The following SMC5 variants were observed in gnomAD, a reference collection of about 807,000 sequenced individuals.
The protein encoded by SMC5 is structural maintenance of chromosomes protein 5.
SMC5 carries 88 observed loss-of-function variants against 148.3 expected under a neutral mutation model. That is an observed-to-expected ratio of 0.59 (90% CI 0.50 to 0.71). The LOEUF (loss-of-function observed/expected upper bound fraction) is 0.71, where lower values mean the gene tolerates loss of function less well. SMC5 is among the 30% of genes least tolerant of loss of function. The pLI is 0.00. For missense variants in SMC5, 1,142 were observed against 1,298.9 expected (o/e 0.88, Z 1.86); for synonymous variants, 421 against 432.8 (o/e 0.97, Z 0.34).
At chr9:70,321,786 A>C (rs760507491) in intron 15 of SMC5, among the ~76,000 whole-genome samples, 31 of 152,190 alleles carry the variant, frequency 2.0e-4, no homozygotes, top group Non-Finnish European at 3.5e-4. Context: ...TTTTGTAGAA[A>C]CCAGAATATA....
intron 5 of SMC5, among the ~76,000 whole-genome samples, chr9:70,280,373 A>G (rs1400817828): frequency 1.3e-5 from 2 of 152,116 alleles, no homozygotes; most frequent in Non-Finnish European, 2.9e-5. Context: ...TAGTATTACT[A>G]TTTTTCATTT....
At chr9:70,345,804 A>G (rs779529005) in intron 18 of SMC5, among the ~76,000 whole-genome samples, 1 of 152,120 alleles carries the variant, frequency 6.6e-6, no homozygotes, top group Non-Finnish European at 1.5e-5. Context: ...TTTCTTCTAG[A>G]TGGAGGATAA....
At chr9:70,313,266 AG>A (rs1313547549) in intron 11 of SMC5, among the ~76,000 whole-genome samples, 15 of 152,146 alleles carry the variant, frequency 9.9e-5, no homozygotes, top group Non-Finnish European at 1.3e-4. Flanking sequence ...TGCATATTTT[AG>A]TTCTAGAATT....
intron 22 of SMC5, among the ~76,000 whole-genome samples, chr9:70,349,101 C>T (rs1394307382): frequency 1.3e-5 from 2 of 152,212 alleles, no homozygotes; most frequent in African/African-American, 4.8e-5. Flanking sequence ...CAAAGTCTCA[C>T]TCTCACCCAG....
rs1341270536 is a variant in SMC5, at chr9:70,259,003, G to A, written c.-76G>A. ...AGTTCGCGCGGGAGCGGGGCGCCTG[G>A]GTGGATGGGCGCTTGGGCGCCTGGG... On this transcript the variant is annotated 5_prime_UTR_variant, in exon 1 of 25. Transcript: ENST00000361138. 5.0e-5 allele frequency: 74 copies of A among 1,470,158 alleles called. No homozygotes were observed. Among genetic ancestry groups the A allele is most frequent in the Non-Finnish European group, 1.9e-5 (21 of 1,106,822 alleles). 91.1% of individuals were successfully genotyped at this position (1,470,158 alleles called of 1,614,324 possible). A position where few individuals can be genotyped will look rare whatever the true frequency, so the allele number is the denominator to read the frequency against.
chr9:70,293,193 T>C lies in SMC5; in HGVS notation c.1054-4773T>C, dbSNP rs117697745. ...CTTAATAGCTATTAGACTAGTCAAA[T>C]AATCTATTTCATATTAGGTGAATTG... On this transcript the variant is annotated intron_variant, in intron 8 of 24. Transcript: ENST00000361138. 4.1e-3 allele frequency among the ~76,000 whole-genome samples: 626 copies of C among 152,298 alleles called. 4 individuals carry two copies. The highest frequency in any genetic ancestry group is 7.4e-3 in the Admixed American group (114 of 15,304).
At chr9:70,286,581 T>C (rs1175797500) in intron 8 of SMC5, among the ~76,000 whole-genome samples, 3 of 152,202 alleles carry the variant, frequency 2.0e-5, no homozygotes, top group African/African-American at 4.8e-5. Flanking sequence ...ATTTATTCTG[T>C]TGTTGTTTAA....
At chr9:70,342,793 C>T (rs1440850041) in intron 17 of SMC5, among the ~76,000 whole-genome samples, 2 of 152,194 alleles carry the variant, frequency 1.3e-5, no homozygotes, top group Non-Finnish European at 2.9e-5. Flanking sequence ...TTTACCAACT[C>T]TGATCTTTTA....
At position 70,275,446 on chromosome 9, in the gene SMC5, C is replaced by G. The variant is rs141575995; in HGVS notation, c.381-1864C>G. Among the ~76,000 whole-genome samples, 60 of 152,208 alleles carry G rather than the reference C, an allele frequency of 3.9e-4. 1 individual carries two copies. The highest frequency in any genetic ancestry group is 1.4e-3 in the African/African-American group (57 of 41,520). ...GAACTCCTAGGCTCAAGTGATCCTC[C>G]CACCTTTGCCTTCCAAAATACTGAG... On this transcript the variant is annotated intron_variant, in intron 3 of 24. Coordinates refer to ENST00000361138, the MANE Select transcript of SMC5 (RefSeq NM_015110.4).
chr9:70,315,600 T>C, intron 13 of SMC5, 22 bp downstream of exon 13: 1 of 1,481,034 alleles, frequency 6.8e-7, no homozygotes. Context: ...GTGAATCATG[T>C]ACTGAATCAT....
rs201659247 is a variant in SMC5 at position 70,315,432 on chromosome 9, A to C, written c.1674-14A>C. On this transcript the variant is annotated splice_polypyrimidine_tract_variant and intron_variant, in intron 12 of 24. Coordinates refer to ENST00000361138, the MANE Select transcript of SMC5 (RefSeq NM_015110.4). ...TTTTAAGAAGAAAAATCTAATCAAT[A>C]CTTTTCCTTTCAGACAATACGGATT... The C allele has an allele frequency of 6.5e-7, 1 of 1,539,048 alleles. No homozygotes were observed. Among genetic ancestry groups the C allele is most frequent in the Non-Finnish European group, 8.8e-7 (1 of 1,139,670 alleles).
intron 15 of SMC5, among the ~76,000 whole-genome samples, chr9:70,321,454 A>G (rs2035944837): frequency 6.8e-6 from 1 of 146,110 alleles, no homozygotes; most frequent in South Asian, 2.1e-4. Context: ...GTGCAGTGGC[A>G]TGCTCACAGC....
At chr9:70,307,675 T>C (rs1189424624) in intron 11 of SMC5, among the ~76,000 whole-genome samples, 1 of 152,140 alleles carries the variant, frequency 6.6e-6, no homozygotes, top group Non-Finnish European at 1.5e-5. Context: ...GCTAATTTTT[T>C]GTATTTTTAG....
At chr9:70,259,996 G>A (rs1228432526) in intron 1 of SMC5, among the ~76,000 whole-genome samples, 1 of 149,638 alleles carries the variant, frequency 6.7e-6, no homozygotes, top group East Asian at 2.0e-4. Flanking sequence ...GCTGGATGGA[G>A]TGCTGTGCCG....
At chr9:70,259,701 A>ATT (rs1469116281) in intron 1 of SMC5, among the ~76,000 whole-genome samples, 1 of 152,130 alleles carries the variant, frequency 6.6e-6, no homozygotes, top group Non-Finnish European at 1.5e-5. Context: ...AGAGGAGTAG[A>ATT]TAAGACGGTA....
chr9:70,270,436 G>T (rs1253733267), intron 3 of SMC5, among the ~76,000 whole-genome samples: 1 of 152,048 alleles, frequency 6.6e-6, no homozygotes, highest in Non-Finnish European at 1.5e-5. Context: ...TCAATCTCTA[G>T]CCCTGCTTCC....
At position 70,300,039 on chromosome 9, in the gene SMC5, A is replaced by G. The variant is rs1467764739; in HGVS notation, c.1310-7A>G. On this transcript the variant is annotated splice_polypyrimidine_tract_variant and splice_region_variant and intron_variant, in intron 9 of 24. Transcript: ENST00000361138. ...AAACAAGACTTTGTTTTGTTTTACAATTTTAGGTGTGGACGATCATATTGT... is the reference window on the plus strand; with the variant it reads ...AAACAAGACTTTGTTTTGTTTTACAGTTTTAGGTGTGGACGATCATATTGT... 17 of 1,555,752 alleles carry G rather than the reference A, an allele frequency of 1.1e-5. No homozygotes were observed. Among genetic ancestry groups the G allele is most frequent in the African/African-American group, 1.4e-5 (1 of 71,450 alleles).
At position 70,347,146 on chromosome 9, in the gene SMC5, G is replaced by T. The variant is rs755428418; in HGVS notation, c.2649G>T (p.Thr883=). 1.2e-6 allele frequency: 2 copies of T among 1,613,590 alleles called. No individual in the cohort carries two copies. Among genetic ancestry groups the T allele is most frequent in the East Asian group, 2.2e-5 (1 of 44,854 alleles). The change falls in exon 20 of 25, where the codon ACG becomes ACT. Residue 883 remains threonine, a synonymous_variant. Coordinates refer to ENST00000361138, the MANE Select transcript of SMC5 (RefSeq NM_015110.4). ...TEERSRASCF[T]GLNPTIVQEY... ...AAAGATCAAGAGCTTCCTGCTTCAC[G>T]GGACTGAATCCTACAGTATGCCTGT...
chr9:70,271,048 A>G (rs535191381), intron 3 of SMC5, among the ~76,000 whole-genome samples: 2 of 150,808 alleles, frequency 1.3e-5, no homozygotes, highest in South Asian at 4.2e-4. Context: ...TATTTGCATT[A>G]TACTTATCGG....
Sources: allele counts gnomAD v4.1 joint callset (sites outside exome capture counted in the v4.1 genomes callset), GRCh38; gene constraint gnomAD v4.1.1; transcripts MANE v1.5; gene names NCBI Gene and HGNC (gene_info 2026-07-23, HGNC 2026-07-21).